The following MECOM variants were observed in gnomAD, a reference collection of about 807,000 sequenced individuals.
MECOM encodes histone-lysine N-methyltransferase MECOM.
Under a neutral mutation model 116.3 loss-of-function variants are expected in MECOM, and 13 were observed. The observed-to-expected ratio is 0.11, with a 90% confidence interval of 0.07 to 0.18. MECOM has a LOEUF of 0.18. MECOM is among the 10% of genes least tolerant of loss of function. The pLI, the probability that MECOM is intolerant of heterozygous loss-of-function variation, is 1.00. For synonymous variants in MECOM, 528 were observed against 535.2 expected (o/e 0.99, Z 0.19); for missense variants, 1,299 against 1,509.0 (o/e 0.86, Z 2.31).
chr3:169,587,704 A>G, intron 1 of MECOM, among the ~76,000 whole-genome samples: 1 of 152,206 alleles, frequency 6.6e-6, no homozygotes, highest in East Asian at 1.9e-4. Flanking sequence ...ATAGTTTCCA[A>G]TGCTACTCTA....
intron 1 of MECOM, among the ~76,000 whole-genome samples, chr3:169,485,985 GTATATATATGTATATATATACTA>G (rs1322727803): frequency 5.6e-5 from 3 of 53,288 alleles, no homozygotes; most frequent in African/African-American, 8.9e-5. Flanking sequence ...TATATATATA[GTATATATATGTATATATATACTA>G]TATATATATG....
At chr3:169,121,333 A>C in intron 6 of MECOM, 124 bp from the exon 7 acceptor site, 1 of 993,182 alleles carries the variant, frequency 1.0e-6, no homozygotes, top group Non-Finnish European at 1.4e-6. Context: ...CAAAGACCAA[A>C]AGTGTACTCT....
At chr3:169,343,546 A>G (rs1560155123) in intron 2 of MECOM, among the ~76,000 whole-genome samples, 3 of 152,178 alleles carry the variant, frequency 2.0e-5, no homozygotes, top group Non-Finnish European at 4.4e-5. Flanking sequence ...AAAAAGAAAA[A>G]AAGTCTAAGA....
chr3:169,544,259 G>T (rs536725008), intron 1 of MECOM, among the ~76,000 whole-genome samples: 6 of 152,186 alleles, frequency 3.9e-5, no homozygotes, highest in Non-Finnish European at 4.4e-5. Context: ...GCAGTGCCTG[G>T]CACATATGCA....
chr3:169,478,079 G>A (rs981348563), intron 1 of MECOM, among the ~76,000 whole-genome samples: 2 of 152,148 alleles, frequency 1.3e-5, no homozygotes, highest in Non-Finnish European at 1.5e-5. Flanking sequence ...GACAGGGAAG[G>A]AGCAGATAAT....
chr3:169,173,889 C>T (rs778623775), intron 2 of MECOM, among the ~76,000 whole-genome samples: 6 of 152,226 alleles, frequency 3.9e-5, no homozygotes, highest in Non-Finnish European at 8.8e-5. Context: ...CACCATGTCA[C>T]ATTCATGCTC....
At chr3:169,249,979 A>T (rs1756051849) in intron 2 of MECOM, among the ~76,000 whole-genome samples, 1 of 152,210 alleles carries the variant, frequency 6.6e-6, no homozygotes. Flanking sequence ...TGGTACTTAC[A>T]TTCTGCATAT....
chr3:169,641,683 A>G (rs1773512738), intron 1 of MECOM, among the ~76,000 whole-genome samples: 1 of 152,228 alleles, frequency 6.6e-6, no homozygotes, highest in African/African-American at 2.4e-5. Flanking sequence ...ACCTCACGCT[A>G]ATTCTGTGAA....
intron 2 of MECOM, among the ~76,000 whole-genome samples, chr3:169,187,618 G>A (rs1746953107): frequency 1.3e-5 from 2 of 151,978 alleles, no homozygotes; most frequent in Admixed American, 1.3e-4. Context: ...TAATTCCCTG[G>A]GTAATACAGG....
intron 2 of MECOM, among the ~76,000 whole-genome samples, chr3:169,246,772 G>A (rs533672314): frequency 4.1e-4 from 63 of 152,114 alleles, no homozygotes; most frequent in African/African-American, 1.4e-3. Context: ...CGCCCGCCTT[G>A]GCCTCCCAAA....
At chr3:169,339,895 T>TG (rs1007443643) in intron 2 of MECOM, among the ~76,000 whole-genome samples, 1 of 152,114 alleles carries the variant, frequency 6.6e-6, no homozygotes, top group African/African-American at 2.4e-5. Flanking sequence ...ATATATGATG[T>TG]GGGGGGAAGT....
intron 1 of MECOM, among the ~76,000 whole-genome samples, chr3:169,514,768 A>G (rs1756419744): frequency 6.6e-6 from 1 of 152,170 alleles, no homozygotes; most frequent in Non-Finnish European, 1.5e-5. Flanking sequence ...ATAACCCCTG[A>G]ATGGGTTCAA....
chr3:169,549,988 A>G (rs1761185301), intron 1 of MECOM, among the ~76,000 whole-genome samples: 2 of 152,174 alleles, frequency 1.3e-5, no homozygotes, highest in Admixed American at 1.3e-4. Flanking sequence ...CTCTATCAGG[A>G]AAGGTGAGAA....
At chr3:169,540,573 C>T (rs959947204) in intron 1 of MECOM, among the ~76,000 whole-genome samples, 70 of 152,286 alleles carry the variant, frequency 4.6e-4, no homozygotes, top group African/African-American at 1.6e-3. Context: ...TCAGATCCTG[C>T]CTATCTCTCC....
At chr3:169,614,102 T>C (rs1421024086) in intron 1 of MECOM, among the ~76,000 whole-genome samples, 2 of 79,914 alleles carry the variant, frequency 2.5e-5, no homozygotes, top group Admixed American at 3.0e-4. Context: ...TTTTCTTTTC[T>C]TTTTCTTTTT....
At chr3:169,654,231 C>G (rs1352106377) in intron 1 of MECOM, among the ~76,000 whole-genome samples, 1 of 152,064 alleles carries the variant, frequency 6.6e-6, no homozygotes, top group Non-Finnish European at 1.5e-5. Flanking sequence ...ATTTTTAATC[C>G]TAAAGACTTA....
chr3:169,119,768 A>G (rs1730378823), intron 7 of MECOM, among the ~76,000 whole-genome samples: 1 of 152,078 alleles, frequency 6.6e-6, no homozygotes, highest in African/African-American at 2.4e-5. Context: ...TTTTGCGACA[A>G]GAAGTCTAAA....
intron 1 of MECOM, among the ~76,000 whole-genome samples, chr3:169,391,817 C>G (rs940466142): frequency 1.3e-5 from 2 of 152,066 alleles, no homozygotes; most frequent in African/African-American, 2.4e-5. Context: ...TCAACATGTA[C>G]AATAACTAGT....
chr3:169,270,446 A>AT (rs1758809622), intron 2 of MECOM, among the ~76,000 whole-genome samples: 1 of 152,028 alleles, frequency 6.6e-6, no homozygotes, highest in South Asian at 2.1e-4. Context: ...TTTAATTATA[A>AT]TTCCACAACT....
Sources: gnomAD v4.1 joint callset for allele counts (sites outside exome capture counted in the v4.1 genomes callset) on GRCh38, gnomAD v4.1.1 for gene constraint, MANE v1.5 for transcripts, NCBI Gene and HGNC (gene_info 2026-07-23, HGNC 2026-07-21) for gene names.